The following LRBA variants were observed in gnomAD, a reference collection of about 807,000 sequenced individuals.
The protein encoded by LRBA is lipopolysaccharide-responsive and beige-like anchor protein.
Under a neutral mutation model 330.0 loss-of-function variants are expected in LRBA, and 176 were observed. That is an observed-to-expected ratio of 0.53 (90% CI 0.47 to 0.60). LRBA has a LOEUF of 0.60. LRBA is among the 20% of genes least tolerant of loss of function. LRBA has a pLI of 0.00. For synonymous variants in LRBA, 1,230 were observed against 1,193.0 expected, an observed-to-expected ratio of 1.03 and a Z score of -0.64; for missense variants, 3,259 against 3,444.8, an observed-to-expected ratio of 0.95 and a Z score of 1.35.
chr4:150,489,003 TATATA>T (rs1290564735), intron 41 of LRBA, among the ~76,000 whole-genome samples: 11 of 117,238 alleles, frequency 9.4e-5, no homozygotes, highest in South Asian at 4.9e-4. Flanking sequence ...TATATAAGAA[TATATA>T]ATATATTATA....
At chr4:150,447,480 T>C (rs1168800571) in intron 44 of LRBA, among the ~76,000 whole-genome samples, 1 of 152,206 alleles carries the variant, frequency 6.6e-6, no homozygotes, top group African/African-American at 2.4e-5. Context: ...GTTGTCAGTC[T>C]GGGATTTACA....
chr4:150,887,110 T>C (rs1256221120), intron 17 of LRBA, among the ~76,000 whole-genome samples: 1 of 152,210 alleles, frequency 6.6e-6, no homozygotes, highest in African/African-American at 2.4e-5. Context: ...GTACAATTAT[T>C]GTCAATTTAA....
chr4:150,585,256 A>T (rs998305072), intron 40 of LRBA, among the ~76,000 whole-genome samples: 2 of 152,212 alleles, frequency 1.3e-5, no homozygotes, highest in Admixed American at 6.5e-5. Flanking sequence ...GCATATGGTG[A>T]TATGAACCAT....
chr4:150,828,795 A>T (rs2126813031), intron 29 of LRBA, among the ~76,000 whole-genome samples, 174 bp from the exon 30 acceptor site: 1 of 152,320 alleles, frequency 6.6e-6, no homozygotes, highest in Admixed American at 6.5e-5. Context: ...GGGTGCACCT[A>T]TTATCAAGAC....
intron 37 of LRBA, among the ~76,000 whole-genome samples, chr4:150,639,837 A>C (rs373511436): frequency 3.7e-5 from 1 of 27,178 alleles, no homozygotes; most frequent in African/African-American, 9.2e-5. Flanking sequence ...ATATATATAT[A>C]TATATATATA....
At chr4:150,827,311 G>T (rs369565877) in intron 30 of LRBA, among the ~76,000 whole-genome samples, 1 of 152,134 alleles carries the variant, frequency 6.6e-6, no homozygotes, top group African/African-American at 2.4e-5. Flanking sequence ...TGAAAGAAGG[G>T]TTTGTACCAC....
chr4:150,638,842 C>T (rs1421779036), intron 37 of LRBA, among the ~76,000 whole-genome samples: 1 of 108,642 alleles, frequency 9.2e-6, no homozygotes, highest in East Asian at 2.4e-4. Flanking sequence ...ACCCAGCCAT[C>T]CCATTACTGG....
chr4:150,471,282 C>A (rs555361138), intron 43 of LRBA, among the ~76,000 whole-genome samples: 2 of 152,230 alleles, frequency 1.3e-5, no homozygotes, highest in African/African-American at 4.8e-5. Flanking sequence ...CAAATAGTAT[C>A]CATCCTTATA....
chr4:151,006,713 C>G (rs1744110695), intron 2 of LRBA, among the ~76,000 whole-genome samples: 2 of 152,018 alleles, frequency 1.3e-5, no homozygotes, highest in African/African-American at 4.8e-5. Flanking sequence ...TCTGATTTTC[C>G]AGTTCCCAAA....
At chr4:150,837,620 CT>C (rs1236758876) in intron 28 of LRBA, among the ~76,000 whole-genome samples, 1 of 151,954 alleles carries the variant, frequency 6.6e-6, no homozygotes, top group Non-Finnish European at 1.5e-5. Flanking sequence ...CAACCCCTGC[CT>C]TTTTTTGTTT....
At chr4:150,344,374 C>T (rs1170138361) in intron 48 of LRBA, among the ~76,000 whole-genome samples, 1 of 152,166 alleles carries the variant, frequency 6.6e-6, no homozygotes, top group Admixed American at 6.6e-5. Flanking sequence ...CAACATCTCC[C>T]ATTCATAACA....
intron 40 of LRBA, among the ~76,000 whole-genome samples, chr4:150,566,440 T>C (rs947813617): frequency 6.3e-4 from 96 of 152,130 alleles, no homozygotes; most frequent in African/African-American, 2.2e-3. Flanking sequence ...TATAAGATAA[T>C]TCATGAATGA....
At chr4:150,385,211 T>C (rs565474390) in intron 47 of LRBA, among the ~76,000 whole-genome samples, 20 of 152,240 alleles carry the variant, frequency 1.3e-4, no homozygotes, top group Non-Finnish European at 2.6e-4. Context: ...TTTACTTTTT[T>C]CCCACATCAC....
intron 46 of LRBA, among the ~76,000 whole-genome samples, chr4:150,427,171 C>A (rs1749750091): frequency 6.6e-6 from 1 of 151,678 alleles, no homozygotes; most frequent in South Asian, 2.1e-4. Context: ...TCTAGTTGAA[C>A]AAAAAATATG....
intron 40 of LRBA, among the ~76,000 whole-genome samples, chr4:150,544,253 G>C (rs1309351982): frequency 1.3e-5 from 2 of 151,838 alleles, no homozygotes; most frequent in African/African-American, 4.8e-5. Flanking sequence ...TCAGTCTCCT[G>C]AGTAGCTGAG....
intron 47 of LRBA, among the ~76,000 whole-genome samples, chr4:150,389,911 A>ATT (rs34355782): frequency 4.2e-4 from 47 of 111,690 alleles, no homozygotes; most frequent in African/African-American, 9.9e-4. Context: ...TTGTCTGGGT[A>ATT]TTTTTTTTTT....
rs912090798 is a variant in LRBA at position 150,806,293 on chromosome 4, T to C, written c.5496A>G (p.Gln1832=). 2.5e-6 allele frequency: 4 copies of C among 1,604,018 alleles called. No individual in the cohort carries two copies. The African/African-American group carries it at 4.0e-5, about 16-fold the overall frequency. ...TACTTGTTCCTTCTATAAGCAGTTC[T>C]TGTCCATGGCTACCCAAAAGTGTCC... ...LSRTLLGSHG[Q]ELLIEGTSLV... is the part of the protein sequence containing the mutation. The change falls in exon 33 of 57, where the codon CAA becomes CAG. Residue 1832 remains glutamine, a synonymous_variant. Coordinates refer to ENST00000651943, the MANE Select transcript of LRBA (RefSeq NM_001364905.1).
intron 2 of LRBA, among the ~76,000 whole-genome samples, chr4:150,939,383 T>C (rs1735431547): frequency 6.6e-6 from 1 of 152,076 alleles, no homozygotes; most frequent in Non-Finnish European, 1.5e-5. Context: ...AAAATGAAGA[T>C]AGAGATTACA....
At chr4:150,313,844 A>G (rs1419327941) in intron 51 of LRBA, among the ~76,000 whole-genome samples, 38 of 91,946 alleles carry the variant, frequency 4.1e-4, no homozygotes, top group African/African-American at 1.2e-3. Context: ...TATAATGTAT[A>G]TATATATATA....
Sources: allele counts gnomAD v4.1 joint callset (sites outside exome capture counted in the v4.1 genomes callset), GRCh38; gene constraint gnomAD v4.1.1; transcripts MANE v1.5; gene names NCBI Gene and HGNC (gene_info 2026-07-23, HGNC 2026-07-21).